KCND2: variants seen among roughly 807,000 people sequenced by gnomAD.
KCND2 encodes A-type voltage-gated potassium channel KCND2.
A neutral mutation model predicts 54.4 loss-of-function variants in KCND2; 16 were observed. That is an observed-to-expected ratio of 0.29 (90% CI 0.20 to 0.45). KCND2 has a LOEUF of 0.45. Among genes scored for constraint, KCND2 ranks in the 20% least tolerant of loss-of-function variants. The probability of loss-of-function intolerance (pLI) is 1.00; values close to 1 mark genes in which losing one functional copy is unlikely to be tolerated. For missense variants in KCND2, 486 were observed against 824.2 expected, an observed-to-expected ratio of 0.59 and a Z score of 5.02; for synonymous variants, 317 against 310.7, an observed-to-expected ratio of 1.02 and a Z score of -0.21.
intron 1 of KCND2, among the ~76,000 whole-genome samples, chr7:120,511,870 A>G (rs1803120884): frequency 6.6e-6 from 1 of 152,084 alleles, no homozygotes; most frequent in Non-Finnish European, 1.5e-5. Flanking sequence ...CACAAAACGG[A>G]ATTTCAGCCC....
chr7:120,387,635 G>C (rs541782666), intron 1 of KCND2, among the ~76,000 whole-genome samples: 1 of 151,944 alleles, frequency 6.6e-6, no homozygotes, highest in Admixed American at 6.6e-5. Context: ...TATTTAAAAT[G>C]TTCTTTTGTG....
chr7:120,359,876 C>A (rs1360831382), intron 1 of KCND2, among the ~76,000 whole-genome samples: 1 of 152,064 alleles, frequency 6.6e-6, no homozygotes. Context: ...GCAGTTTTCC[C>A]TGCTCTTGCT....
intron 1 of KCND2, among the ~76,000 whole-genome samples, chr7:120,539,935 C>T (rs1791959502): frequency 6.6e-6 from 1 of 152,096 alleles, no homozygotes; most frequent in Admixed American, 6.6e-5. Context: ...ACTCTGAAAT[C>T]TTAATATGAC....
intron 1 of KCND2, among the ~76,000 whole-genome samples, chr7:120,488,843 T>C (rs1802731348): frequency 6.6e-6 from 1 of 152,118 alleles, no homozygotes. Flanking sequence ...ATGACTTAAT[T>C]TGGGCTTCTA....
In KCND2 at chr7:120,550,824, C is replaced by T. The variant is rs565837884; in HGVS notation, c.1116-182079C>T. On this transcript the variant is annotated intron_variant, in intron 1 of 5. Transcript: ENST00000331113. ...AATATGTCACTTTCATATGGACTTT[C>T]CCAAATAAGCACATGAATGGAGTTG... 1.2e-4 allele frequency among the ~76,000 whole-genome samples: 19 copies of T among 152,232 alleles called. No individual in the cohort carries two copies. In the East Asian group the frequency reaches 2.1e-3, roughly 17 times the overall value.
At chr7:120,580,464 C>G (rs1792501102) in intron 1 of KCND2, among the ~76,000 whole-genome samples, 2 of 152,260 alleles carry the variant, frequency 1.3e-5, no homozygotes, top group South Asian at 4.1e-4. Flanking sequence ...TAGCAGACAG[C>G]AAGACAGGCC....
chr7:120,547,349 A>G (rs1338805586), intron 1 of KCND2, among the ~76,000 whole-genome samples: 1 of 151,964 alleles, frequency 6.6e-6, no homozygotes, highest in Non-Finnish European at 1.5e-5. Context: ...TGTTAACTGA[A>G]GAGGTTCTGC....
intron 1 of KCND2, among the ~76,000 whole-genome samples, chr7:120,577,466 A>C (rs1332384087): frequency 6.6e-6 from 1 of 152,190 alleles, no homozygotes; most frequent in Non-Finnish European, 1.5e-5. Context: ...TCCAAAGATA[A>C]GAATGAAGAT....
chr7:120,455,926 A>G (rs368334641), intron 1 of KCND2, among the ~76,000 whole-genome samples: 2 of 152,208 alleles, frequency 1.3e-5, no homozygotes, highest in Admixed American at 1.3e-4. Flanking sequence ...CAGTTTACCT[A>G]TATAACAAAC....
chr7:120,646,572 C>A (rs769432073), intron 1 of KCND2, among the ~76,000 whole-genome samples: 34 of 152,266 alleles, frequency 2.2e-4, no homozygotes, highest in Admixed American at 5.2e-4. Context: ...TGGCAACATG[C>A]AGTGAAAAGG....
chr7:120,469,016 T>TACACAC (rs3067129), intron 1 of KCND2, among the ~76,000 whole-genome samples: 5 of 149,948 alleles, frequency 3.3e-5, no homozygotes, highest in Non-Finnish European at 7.4e-5. Flanking sequence ...ATGGTGTGGA[T>TACACAC]ACACACACAC....
At chr7:120,541,829 A>G (rs750608397) in intron 1 of KCND2, among the ~76,000 whole-genome samples, 8 of 152,204 alleles carry the variant, frequency 5.3e-5, no homozygotes, top group Non-Finnish European at 1.2e-4. Context: ...GTGTATGTTT[A>G]ATAATAAATT....
At chr7:120,440,821 C>T (rs1801936258) in intron 1 of KCND2, among the ~76,000 whole-genome samples, 1 of 151,974 alleles carries the variant, frequency 6.6e-6, no homozygotes, top group South Asian at 2.1e-4. Context: ...AAGATATCTC[C>T]TATTATTTTA....
At chr7:120,446,241 T>A (rs1802017329) in intron 1 of KCND2, among the ~76,000 whole-genome samples, 1 of 152,118 alleles carries the variant, frequency 6.6e-6, no homozygotes. Flanking sequence ...TCAATGCAAT[T>A]CAGAGAGATA....
Position 120,329,216 on chromosome 7 carries a change from G to A in KCND2, c.1115+53469G>A, listed in dbSNP as rs146172163. On this transcript the variant is annotated intron_variant, in intron 1 of 5. Transcript: ENST00000331113. ...GGGTCACTGCAACCTCCGCCTCCTG[G>A]ATTCAAGTGATTCTCCTATCTCAGC... Among the ~76,000 whole-genome samples the A allele has an allele frequency of 7.8e-3, 1,185 of 151,440 alleles. 12 individuals are homozygous for A. Among genetic ancestry groups the A allele is most frequent in the Non-Finnish European group, 0.01 (704 of 67,896 alleles).
At chr7:120,537,204 T>A (rs1791923001) in intron 1 of KCND2, among the ~76,000 whole-genome samples, 1 of 152,030 alleles carries the variant, frequency 6.6e-6, no homozygotes, top group Non-Finnish European at 1.5e-5. Flanking sequence ...TGTACATTTC[T>A]CTCAGAGCTC....
intron 1 of KCND2, among the ~76,000 whole-genome samples, chr7:120,438,794 A>T (rs1801907084): frequency 6.6e-6 from 1 of 152,118 alleles, no homozygotes; most frequent in East Asian, 1.9e-4. Context: ...ATCAGATTTT[A>T]TTGTGCTCAT....
At chr7:120,733,128 A>G in intron 2 of KCND2, 63 bp downstream of exon 2, 1 of 1,539,154 alleles carries the variant, frequency 6.5e-7, no homozygotes, top group Non-Finnish European at 9.0e-7. Flanking sequence ...TGAGCTTTAA[A>G]ATTTCTTAAT....
intron 1 of KCND2, among the ~76,000 whole-genome samples, chr7:120,499,922 A>T (rs183685154): frequency 9.8e-4 from 149 of 152,276 alleles, no homozygotes; most frequent in African/African-American, 3.4e-3. Context: ...TAACTTTGGT[A>T]CCACCATTGT....
Sources: allele counts gnomAD v4.1 joint callset (sites outside exome capture counted in the v4.1 genomes callset), GRCh38; gene constraint gnomAD v4.1.1; transcripts MANE v1.5; gene names NCBI Gene and HGNC (gene_info 2026-07-23, HGNC 2026-07-21).